SGMS1: variants seen among roughly 807,000 people sequenced by gnomAD.
The protein encoded by SGMS1 is phosphatidylcholine:ceramide cholinephosphotransferase 1.
A neutral mutation model predicts 46.2 loss-of-function variants in SGMS1; 13 were observed. That is an observed-to-expected ratio of 0.28 (90% CI 0.18 to 0.45). The LOEUF (loss-of-function observed/expected upper bound fraction) is 0.45. SGMS1 is among the 20% of genes least tolerant of loss of function. The pLI is 1.00. For missense variants in SGMS1, 324 were observed against 519.9 expected (o/e 0.62, Z 3.66); for synonymous variants, 203 against 187.8 (o/e 1.08, Z -0.66).
intron 2 of SGMS1, among the ~76,000 whole-genome samples, chr10:50,570,423 T>A (rs1217974976): frequency 6.6e-6 from 1 of 152,182 alleles, no homozygotes; most frequent in Non-Finnish European, 1.5e-5. Context: ...TTTTAAAAAA[T>A]AATCTTGAGA....
chr10:50,369,777 G>C (rs1191967934), intron 6 of SGMS1, among the ~76,000 whole-genome samples: 1 of 152,142 alleles, frequency 6.6e-6, no homozygotes, highest in Non-Finnish European at 1.5e-5. Flanking sequence ...TCCATCTACA[G>C]TCATGTGTCA....
chr10:50,416,478 T>C, intron 6 of SGMS1, among the ~76,000 whole-genome samples: 1 of 152,216 alleles, frequency 6.6e-6, no homozygotes. Context: ...GTGAAACTAA[T>C]AAAATTCCAA....
At chr10:50,593,301 C>T (rs1451534071) in intron 1 of SGMS1, among the ~76,000 whole-genome samples, 4 of 152,122 alleles carry the variant, frequency 2.6e-5, no homozygotes, top group African/African-American at 9.7e-5. Context: ...TGAGAGACTG[C>T]GAGTCAGAAC....
chr10:50,561,430 T>G (rs1034106855), intron 2 of SGMS1, among the ~76,000 whole-genome samples: 5 of 152,238 alleles, frequency 3.3e-5, no homozygotes, highest in Admixed American at 3.3e-4. Context: ...CCACGAGCAC[T>G]GCTGGGTTAG....
intron 1 of SGMS1, among the ~76,000 whole-genome samples, chr10:50,616,250 A>G (rs765697128): frequency 1.5e-4 from 23 of 152,210 alleles, no homozygotes; most frequent in Admixed American, 5.9e-4. Flanking sequence ...CGCCCCAAGT[A>G]GCTGGGACTA....
intron 3 of SGMS1, among the ~76,000 whole-genome samples, chr10:50,502,084 C>T (rs1159525970): frequency 1.3e-5 from 2 of 151,942 alleles, no homozygotes; most frequent in African/African-American, 2.4e-5. Flanking sequence ...GTTGGCCTTG[C>T]CTGCTGGCTG....
In SGMS1 at chr10:50,412,819, C is replaced by G. The variant is rs184678831; in HGVS notation, c.-232+20657G>C. On this transcript the variant is annotated intron_variant, in intron 6 of 10. Transcript: ENST00000361781. ...GCAGAAGTTATATTATTGGCTAATT[C>G]CAGACTGATAAGAAATAGATGACTC... 7.2e-5 allele frequency among the ~76,000 whole-genome samples: 11 copies of G among 152,254 alleles called. No individual in the cohort carries two copies. The East Asian group carries it at 2.1e-3, about 29-fold the overall frequency.
chr10:50,312,049 G>C (rs116703929), intron 8 of SGMS1, among the ~76,000 whole-genome samples: 1 of 152,110 alleles, frequency 6.6e-6, no homozygotes, highest in Admixed American at 6.5e-5. Context: ...GTAATAAATA[G>C]CTTGAACAAC....
intron 2 of SGMS1, among the ~76,000 whole-genome samples, chr10:50,559,616 T>G (rs1356055577): frequency 6.6e-6 from 1 of 152,142 alleles, no homozygotes; most frequent in African/African-American, 2.4e-5. Flanking sequence ...TACCCTATCA[T>G]CAGGGAGGTT....
At chr10:50,445,233 T>C (rs1203392) in intron 5 of SGMS1, among the ~76,000 whole-genome samples, 85,324 of 152,050 alleles carry the variant, frequency 0.56, 24,277 homozygotes, top group Non-Finnish European at 0.59. Flanking sequence ...TGGAGTACAT[T>C]AGAGCATCTC....
intron 6 of SGMS1, among the ~76,000 whole-genome samples, chr10:50,408,821 G>A (rs867896537): frequency 2.6e-5 from 4 of 152,270 alleles, no homozygotes; most frequent in Non-Finnish European, 5.9e-5. Context: ...GCTGCAGTAA[G>A]CCATGATTGT....
intron 5 of SGMS1, among the ~76,000 whole-genome samples, chr10:50,435,440 C>A (rs1340901766): frequency 1.3e-5 from 2 of 152,166 alleles, no homozygotes; most frequent in South Asian, 2.1e-4. Context: ...CTGATGAGAC[C>A]ATTCTGGAAA....
At chr10:50,556,167 C>T (rs1417422159) in intron 2 of SGMS1, among the ~76,000 whole-genome samples, 1 of 152,188 alleles carries the variant, frequency 6.6e-6, no homozygotes, top group Admixed American at 6.5e-5. Flanking sequence ...ACCAATCTTA[C>T]CTGTCTCCTA....
chr10:50,477,680 G>A (rs1284542661), intron 3 of SGMS1, among the ~76,000 whole-genome samples: 1 of 152,170 alleles, frequency 6.6e-6, no homozygotes, highest in African/African-American at 2.4e-5. Context: ...GATCATGGGT[G>A]TGGTTTCTAA....
At chr10:50,523,943 C>G (rs996076389) in intron 2 of SGMS1, among the ~76,000 whole-genome samples, 26 of 152,242 alleles carry the variant, frequency 1.7e-4, no homozygotes, top group African/African-American at 6.3e-4. Context: ...ACACAGTTTG[C>G]AGACTGAAAT....
At chr10:50,449,131 G>A (rs1310546484) in intron 5 of SGMS1, among the ~76,000 whole-genome samples, 1 of 152,184 alleles carries the variant, frequency 6.6e-6, no homozygotes, top group African/African-American at 2.4e-5. Flanking sequence ...AGCAGAAAGT[G>A]TAGCTCTTAA....
chr10:50,506,906 A>C (rs1296750038), intron 3 of SGMS1, among the ~76,000 whole-genome samples: 1 of 152,176 alleles, frequency 6.6e-6, no homozygotes, highest in African/African-American at 2.4e-5. Flanking sequence ...CAAATGAATA[A>C]GTGCTTCAAC....
intron 6 of SGMS1, among the ~76,000 whole-genome samples, chr10:50,374,940 C>T (rs1406940838): frequency 1.3e-5 from 2 of 152,118 alleles, no homozygotes; most frequent in African/African-American, 4.8e-5. Flanking sequence ...CTGTATTTTA[C>T]TTGTTTAATG....
intron 6 of SGMS1, among the ~76,000 whole-genome samples, chr10:50,384,405 T>C (rs1419041058): frequency 6.6e-6 from 1 of 151,746 alleles, no homozygotes; most frequent in Admixed American, 6.6e-5. Context: ...CTCTCTCCTT[T>C]CCTTCCTTCT....
Sources: allele counts gnomAD v4.1 joint callset (sites outside exome capture counted in the v4.1 genomes callset), GRCh38; gene constraint gnomAD v4.1.1; transcripts MANE v1.5; gene names NCBI Gene and HGNC (gene_info 2026-07-23, HGNC 2026-07-21).